The following DIAPH3 variants were observed in gnomAD, a reference collection of about 807,000 sequenced individuals.
DIAPH3 encodes the protein diaphanous related formin 3.
A neutral mutation model predicts 144.3 loss-of-function variants in DIAPH3; 117 were observed. The observed-to-expected ratio is 0.81, with a 90% confidence interval of 0.70 to 0.95. The LOEUF is 0.95. Ranked by LOEUF, DIAPH3 falls within the 40% of genes least tolerant of loss-of-function variation. DIAPH3 has a pLI of 0.00. For synonymous variants in DIAPH3, 519 were observed against 488.9 expected, an observed-to-expected ratio of 1.06 and a Z score of -0.81; for missense variants, 1,421 against 1,412.7, an observed-to-expected ratio of 1.01 and a Z score of -0.09.
intron 25 of DIAPH3, among the ~76,000 whole-genome samples, chr13:59,802,673 T>TTTTTA (rs1566331944): frequency 4.0e-5 from 2 of 50,364 alleles, no homozygotes; most frequent in African/African-American, 1.4e-4. Flanking sequence ...TATTATTTTT[T>TTTTTA]TTTTTTTTTT....
chr13:60,011,674 C>T lies in DIAPH3; in HGVS notation c.772-1005G>A, dbSNP rs1400822281. ...CATGTAGCTACCATATTACAAAATA[C>T]AGGCCTAGATATTAGCACTTAGTTC... On this transcript the variant is annotated intron_variant, in intron 7 of 27. Coordinates refer to ENST00000400324, the MANE Select transcript of DIAPH3 (RefSeq NM_001042517.2). Among the ~76,000 whole-genome samples, 11 of 152,252 alleles carry T rather than the reference C, an allele frequency of 7.2e-5. 1 individual carries two copies. The highest frequency in any genetic ancestry group is 1.4e-4 in the African/African-American group (6 of 41,556).
At chr13:59,683,449 T>G (rs1044396905) in intron 27 of DIAPH3, among the ~76,000 whole-genome samples, 3 of 151,986 alleles carry the variant, frequency 2.0e-5, no homozygotes, top group Admixed American at 6.6e-5. Flanking sequence ...AGATGATGAA[T>G]GAAGGGAACA....
At chr13:59,719,873 A>G (rs1566219180) in intron 27 of DIAPH3, among the ~76,000 whole-genome samples, 1 of 152,246 alleles carries the variant, frequency 6.6e-6, no homozygotes, top group East Asian at 1.9e-4. Context: ...CAAGCATCAG[A>G]CTAGCTTTGA....
At chr13:59,814,212 G>T (rs1165366427) in intron 24 of DIAPH3, among the ~76,000 whole-genome samples, 1 of 152,104 alleles carries the variant, frequency 6.6e-6, no homozygotes, top group Non-Finnish European at 1.5e-5. Context: ...TCTGCTATCA[G>T]ATATAATTGC....
chr13:59,753,789 G>C (rs2139135373), intron 27 of DIAPH3, among the ~76,000 whole-genome samples: 1 of 152,262 alleles, frequency 6.6e-6, no homozygotes, highest in African/African-American at 2.4e-5. Flanking sequence ...TATGGTACCT[G>C]AAAGCACTCT....
At chr13:59,821,471 T>C (rs2041070285) in intron 24 of DIAPH3, among the ~76,000 whole-genome samples, 1 of 152,080 alleles carries the variant, frequency 6.6e-6, no homozygotes, top group South Asian at 2.1e-4. Context: ...TACATATTCC[T>C]GTAGTGGAAC....
chr13:60,101,427 A>C (rs943445700), intron 3 of DIAPH3, among the ~76,000 whole-genome samples: 1 of 152,138 alleles, frequency 6.6e-6, no homozygotes, highest in Non-Finnish European at 1.5e-5. Context: ...CCCTAAAGCA[A>C]GCTTGTCCAG....
At chr13:59,683,084 G>A (rs1284225380) in intron 27 of DIAPH3, among the ~76,000 whole-genome samples, 2 of 152,200 alleles carry the variant, frequency 1.3e-5, no homozygotes, top group East Asian at 1.9e-4. Context: ...TGAACAGTGG[G>A]CCATGCTGCT....
At chr13:59,888,400 C>G (rs1336464242) in intron 20 of DIAPH3, among the ~76,000 whole-genome samples, 1 of 152,016 alleles carries the variant, frequency 6.6e-6, no homozygotes, top group Non-Finnish European at 1.5e-5. Flanking sequence ...GTTTATAATC[C>G]ATTCAGTTTA....
chr13:59,754,648 C>T (rs1593759462), intron 27 of DIAPH3, among the ~76,000 whole-genome samples: 1 of 152,118 alleles, frequency 6.6e-6, no homozygotes, highest in Admixed American at 6.5e-5. Flanking sequence ...GAAAAATAAG[C>T]TCTAGTTTGT....
chr13:59,801,745 C>T (rs2039912176), intron 25 of DIAPH3, among the ~76,000 whole-genome samples: 1 of 152,142 alleles, frequency 6.6e-6, no homozygotes, highest in South Asian at 2.1e-4. Flanking sequence ...TTATAATTCT[C>T]TTGAAAAACA....
At chr13:59,687,944 T>C (rs961707006) in intron 27 of DIAPH3, among the ~76,000 whole-genome samples, 6 of 152,110 alleles carry the variant, frequency 3.9e-5, no homozygotes, top group Admixed American at 1.3e-4. Context: ...ATTTAAATCT[T>C]TGAATGACAC....
intron 20 of DIAPH3, among the ~76,000 whole-genome samples, chr13:59,888,934 GCTGT>G (rs1306674317): frequency 1.1e-4 from 16 of 151,872 alleles, no homozygotes; most frequent in East Asian, 5.8e-4. Flanking sequence ...GTTGACTTCT[GCTGT>G]CTATTACTTC....
intron 27 of DIAPH3, among the ~76,000 whole-genome samples, chr13:59,671,058 G>T (rs1327039212): frequency 6.6e-6 from 1 of 152,180 alleles, no homozygotes; most frequent in African/African-American, 2.4e-5. Context: ...GGTGTCTTTT[G>T]TTATCACCAT....
chr13:59,853,361 G>A (rs966996302), intron 22 of DIAPH3, among the ~76,000 whole-genome samples: 4 of 152,202 alleles, frequency 2.6e-5, no homozygotes, highest in African/African-American at 9.6e-5. Flanking sequence ...CAAATCTCAC[G>A]TTGAATTGTG....
chr13:59,676,010 TTAAGTA>T (rs1342370951), intron 27 of DIAPH3, among the ~76,000 whole-genome samples: 2 of 152,260 alleles, frequency 1.3e-5, no homozygotes, highest in African/African-American at 4.8e-5. Context: ...TAGTGTGCTT[TTAAGTA>T]TATTTCCTTA....
chr13:59,828,212 A>C (rs77913966), intron 24 of DIAPH3, among the ~76,000 whole-genome samples: 1,789 of 152,056 alleles, frequency 0.012, 27 homozygotes, highest in African/African-American at 0.04. Flanking sequence ...TATTACGAAA[A>C]GATGCTGACC....
At chr13:60,015,868 T>C (rs1286218763) in intron 7 of DIAPH3, 45 bp downstream of exon 7, 3 of 1,520,098 alleles carry the variant, frequency 2.0e-6, no homozygotes, top group Admixed American at 3.4e-5. Flanking sequence ...AAATCATATA[T>C]TACAAAATTG....
chr13:59,980,134 T>C (rs939143682), intron 14 of DIAPH3, among the ~76,000 whole-genome samples: 1 of 151,532 alleles, frequency 6.6e-6, no homozygotes, highest in African/African-American at 2.4e-5. Context: ...TAAAGAAAAG[T>C]AAGGAATTGG....
Sources: gnomAD v4.1 joint callset for allele counts (sites outside exome capture counted in the v4.1 genomes callset) on GRCh38, gnomAD v4.1.1 for gene constraint, MANE v1.5 for transcripts, NCBI Gene and HGNC (gene_info 2026-07-23, HGNC 2026-07-21) for gene names.